Variants in ELP4 observed in about 807,000 individuals in gnomAD.
ELP4 encodes the protein elongator acetyltransferase complex subunit 4.
In ELP4, 51 loss-of-function variants were observed where a neutral mutation model predicts 48.9. The observed-to-expected ratio is 1.04, with a 90% CI of 0.83 to 1.32. The LOEUF is 1.32. ELP4 is among the 40% of genes most tolerant of loss of function. The pLI is 0.00. For synonymous variants in ELP4, 210 were observed against 189.2 expected, an observed-to-expected ratio of 1.11 and a Z score of -0.90; for missense variants, 519 against 514.6, an observed-to-expected ratio of 1.01 and a Z score of -0.08.
At chr11:31,574,585 G>T (rs998649616) in intron 3 of ELP4, among the ~76,000 whole-genome samples, 3 of 152,126 alleles carry the variant, frequency 2.0e-5, no homozygotes, top group Non-Finnish European at 4.4e-5. Flanking sequence ...TGAGACGAAG[G>T]TTCCAGAGGA....
chr11:31,604,573 A>G (rs938857367), intron 5 of ELP4, among the ~76,000 whole-genome samples: 2 of 151,914 alleles, frequency 1.3e-5, no homozygotes, highest in African/African-American at 4.8e-5. Flanking sequence ...ATTTAATTTC[A>G]ATTTTTATTT....
At chr11:31,765,949 C>T (rs1046209293) in intron 9 of ELP4, among the ~76,000 whole-genome samples, 2 of 151,996 alleles carry the variant, frequency 1.3e-5, no homozygotes, top group Non-Finnish European at 2.9e-5. Flanking sequence ...AGACTTATTT[C>T]TCTTTTTACA....
intron 3 of ELP4, among the ~76,000 whole-genome samples, chr11:31,587,013 T>G (rs1351076727): frequency 6.6e-6 from 1 of 152,180 alleles, no homozygotes. Flanking sequence ...CTATCTACCT[T>G]GTCAGGGAGA....
chr11:31,771,843 G>T (rs1353862981), intron 9 of ELP4, among the ~76,000 whole-genome samples: 1 of 152,222 alleles, frequency 6.6e-6, no homozygotes, highest in African/African-American at 2.4e-5. Context: ...GCCGGGCGTG[G>T]TGGCGGCAGG....
chr11:31,598,682 A>G lies in ELP4; in HGVS notation c.513+3781A>G, dbSNP rs140662187. ...CACAGCACCCAGCTTATTGTTTAAT[A>G]TTTTTGTAGAGATAGGGTCTCACTA... On this transcript the variant is annotated intron_variant, in intron 4 of 9. Coordinates refer to ENST00000640961, the MANE Select transcript of ELP4 (RefSeq NM_019040.5). Among the ~76,000 whole-genome samples, 97 of 151,146 alleles carry G rather than the reference A, an allele frequency of 6.4e-4. 3 individuals are homozygous for G. The East Asian group carries it at 0.017, about 27-fold the overall frequency.
At position 31,520,056 on chromosome 11, in the gene ELP4, G is replaced by T; in HGVS notation, c.224G>T (p.Gly75Val). The T allele has an allele frequency of 2.5e-6, 4 of 1,612,664 alleles. No individual in the cohort carries two copies. Among genetic ancestry groups the T allele is most frequent in the Non-Finnish European group, 3.4e-6 (4 of 1,179,506 alleles). ...TGLPALDQLL[G>V]GGLAVGTVLL... ...TCTTCTGGTTTTGTTTCATTTCCAG[G>T]TGGAGGTTTAGCCGTTGGAACAGTT... The change falls in exon 2 of 10, where the codon GGT (glycine) becomes GTT (valine). Residue 75 changes from glycine (G) to valine (V), a missense_variant and splice_region_variant. Gly to Val is a moderately radical substitution (Grantham distance 109). Transcript: ENST00000640961.
chr11:31,593,700 A>G (rs1957627070), intron 3 of ELP4, among the ~76,000 whole-genome samples: 1 of 152,186 alleles, frequency 6.6e-6, no homozygotes, highest in Non-Finnish European at 1.5e-5. Flanking sequence ...GCTGTATTAC[A>G]CTATACTCTC....
Position 31,509,909 on chromosome 11 carries a change from G to A in ELP4, c.125G>A (p.Ser42Asn). 1 of 1,614,052 alleles carries A rather than the reference G, an allele frequency of 6.2e-7. No homozygotes were observed. The highest frequency in any genetic ancestry group is 8.5e-7 in the Non-Finnish European group (1 of 1,180,028). The change falls in exon 1 of 10, where the codon AGC (serine) becomes AAC (asparagine). Residue 42 changes from serine (S) to asparagine (N), a missense_variant. Ser to Asn is a conservative substitution (Grantham distance 46, BLOSUM62 1). Transcript: ENST00000640961. ...CCTAGAGCCAGCGTGACCAACGACA[G>A]CGGCCCTCGACTGGTGTCCATTGCG... ...RGPRASVTND[S>N]GPRLVSIAGT...
At chr11:31,760,237 T>G (rs1467545864) in intron 9 of ELP4, among the ~76,000 whole-genome samples, 2 of 152,114 alleles carry the variant, frequency 1.3e-5, no homozygotes, top group Admixed American at 6.5e-5. Flanking sequence ...AACTGAAGTT[T>G]TGACTAAGCA....
chr11:31,566,951 T>G (rs1009234274), intron 3 of ELP4, among the ~76,000 whole-genome samples: 5 of 152,210 alleles, frequency 3.3e-5, no homozygotes, highest in Non-Finnish European at 7.3e-5. Context: ...GTCATTGATA[T>G]CCATGTGTTT....
intron 5 of ELP4, 116 bp downstream of exon 5, chr11:31,604,023 T>C: frequency 1.4e-6 from 1 of 697,564 alleles, no homozygotes; most frequent in African/African-American, 1.8e-5. Context: ...TAATAAATAT[T>C]AGTTTTCTAT....
At chr11:31,747,488 A>C (rs1462174374) in intron 9 of ELP4, among the ~76,000 whole-genome samples, 1 of 152,180 alleles carries the variant, frequency 6.6e-6, no homozygotes, top group African/African-American at 2.4e-5. Context: ...AATTGGGGGA[A>C]AAGGACTAGA....
At chr11:31,563,454 A>G (rs1029568532) in intron 3 of ELP4, among the ~76,000 whole-genome samples, 9 of 152,150 alleles carry the variant, frequency 5.9e-5, no homozygotes, top group African/African-American at 2.2e-4. Flanking sequence ...GAACAGAAAG[A>G]GCTTGGAATG....
chr11:31,612,183 T>G (rs995152224), intron 5 of ELP4, among the ~76,000 whole-genome samples: 10 of 152,148 alleles, frequency 6.6e-5, no homozygotes, highest in African/African-American at 2.2e-4. Flanking sequence ...TTTATTTAAT[T>G]TATTTAAATG....
intron 2 of ELP4, among the ~76,000 whole-genome samples, chr11:31,526,273 T>C (rs1289933818): frequency 6.6e-6 from 1 of 152,120 alleles, no homozygotes; most frequent in African/African-American, 2.4e-5. Flanking sequence ...TGATAACTTA[T>C]CTTAAAAATC....
At chr11:31,771,521 C>G (rs962462155) in intron 9 of ELP4, among the ~76,000 whole-genome samples, 2 of 152,208 alleles carry the variant, frequency 1.3e-5, no homozygotes, top group African/African-American at 4.8e-5. Context: ...GCGTACCACG[C>G]CAAACTTCTC....
At chr11:31,670,367 C>T (rs1945783169) in intron 9 of ELP4, among the ~76,000 whole-genome samples, 2 of 152,066 alleles carry the variant, frequency 1.3e-5, no homozygotes, top group African/African-American at 4.8e-5. Context: ...AGTCAATTGA[C>T]ATTTATATCT....
chr11:31,723,323 A>C (rs2134189458), intron 9 of ELP4, among the ~76,000 whole-genome samples: 1 of 152,140 alleles, frequency 6.6e-6, no homozygotes. Flanking sequence ...CTGCATAGTA[A>C]CCAACACCAC....
At chr11:31,548,044 A>G (rs1161239735) in intron 3 of ELP4, among the ~76,000 whole-genome samples, 3 of 152,230 alleles carry the variant, frequency 2.0e-5, no homozygotes, top group Non-Finnish European at 4.4e-5. Flanking sequence ...TGAATGGGCA[A>G]AAACTGGAAG....
Sources: allele counts gnomAD v4.1 joint callset (sites outside exome capture counted in the v4.1 genomes callset), GRCh38; gene constraint gnomAD v4.1.1; transcripts MANE v1.5; gene names NCBI Gene and HGNC (gene_info 2026-07-23, HGNC 2026-07-21).